Variants in ZNF385D observed in about 807,000 individuals in gnomAD.
ZNF385D encodes zinc finger protein 659.
Under a neutral mutation model 35.8 loss-of-function variants are expected in ZNF385D, and 15 were observed. The ratio of observed to expected loss-of-function variants is 0.42; its 90% CI spans 0.28 to 0.64. ZNF385D has a LOEUF of 0.64. Ranked by LOEUF, ZNF385D falls within the 30% of genes least tolerant of loss-of-function variation. ZNF385D has a pLI of 0.23. For synonymous variants in ZNF385D, 212 were observed against 186.8 expected, an observed-to-expected ratio of 1.13 and a Z score of -1.10; for missense variants, 474 against 494.6, an observed-to-expected ratio of 0.96 and a Z score of 0.39.
intron 3 of ZNF385D, among the ~76,000 whole-genome samples, chr3:21,762,009 G>C (rs1359378668): frequency 6.7e-6 from 1 of 149,932 alleles, no homozygotes; most frequent in Non-Finnish European, 1.5e-5. Context: ...CTCCCGAGTA[G>C]CCGAGATTAC....
At chr3:22,221,652 TAA>T (rs1295983377) in intron 2 of ZNF385D, among the ~76,000 whole-genome samples, 2 of 152,136 alleles carry the variant, frequency 1.3e-5, no homozygotes, top group Non-Finnish European at 2.9e-5. Context: ...ATCCTTTTAA[TAA>T]AAAAGACAAC....
chr3:21,577,605 G>A (rs1355765780), intron 2 of ZNF385D, among the ~76,000 whole-genome samples: 1 of 152,086 alleles, frequency 6.6e-6, no homozygotes, highest in Admixed American at 6.6e-5. Context: ...CATAACGGCT[G>A]TACTAATTTA....
chr3:21,739,304 G>C (rs1444944239), intron 1 of ZNF385D, among the ~76,000 whole-genome samples: 1 of 152,200 alleles, frequency 6.6e-6, no homozygotes, highest in East Asian at 1.9e-4. Flanking sequence ...GGAAGTGCAT[G>C]AGTTAAACAT....
intron 3 of ZNF385D, among the ~76,000 whole-genome samples, chr3:21,757,233 G>C (rs899915171): frequency 2.0e-5 from 3 of 149,994 alleles, no homozygotes; most frequent in Non-Finnish European, 4.4e-5. Flanking sequence ...CTGGGTTCAA[G>C]CGATTCTCGT....
chr3:22,032,752 C>A (rs900174563), intron 3 of ZNF385D, among the ~76,000 whole-genome samples: 3 of 152,116 alleles, frequency 2.0e-5, no homozygotes, highest in Admixed American at 2.0e-4. Context: ...GAAAAACAAT[C>A]ACGATTAATA....
intron 3 of ZNF385D, among the ~76,000 whole-genome samples, chr3:21,803,469 A>G (rs968320554): frequency 1.9e-4 from 29 of 152,202 alleles, no homozygotes; most frequent in Admixed American, 1.9e-3. Flanking sequence ...AACTAATATG[A>G]TTGTATAACT....
chr3:21,577,524 G>A (rs758185192), intron 2 of ZNF385D, among the ~76,000 whole-genome samples: 1 of 152,126 alleles, frequency 6.6e-6, no homozygotes, highest in Admixed American at 6.6e-5. Flanking sequence ...GATATATACC[G>A]AGTAGTGGAA....
intron 3 of ZNF385D, among the ~76,000 whole-genome samples, chr3:21,884,723 G>A (rs1320467649): frequency 6.6e-6 from 1 of 151,988 alleles, no homozygotes; most frequent in Non-Finnish European, 1.5e-5. Flanking sequence ...ATATAATTGT[G>A]TGCTAACGCA....
At chr3:22,032,736 T>C (rs1698077527) in intron 3 of ZNF385D, among the ~76,000 whole-genome samples, 1 of 152,076 alleles carries the variant, frequency 6.6e-6, no homozygotes, top group Admixed American at 6.5e-5. Context: ...ACTTATGGGG[T>C]CGGCTGAAAA....
chr3:21,816,593 A>T (rs918832694), intron 3 of ZNF385D, among the ~76,000 whole-genome samples: 1 of 152,208 alleles, frequency 6.6e-6, no homozygotes, highest in Admixed American at 6.5e-5. Context: ...AATTGCTTCA[A>T]GGAGAATAAG....
chr3:21,844,938 C>T (rs1461375948), intron 3 of ZNF385D, among the ~76,000 whole-genome samples: 2 of 151,808 alleles, frequency 1.3e-5, no homozygotes, highest in African/African-American at 2.4e-5. Flanking sequence ...GTTTCACTTA[C>T]AGAGCTATTG....
chr3:21,996,246 T>C (rs1465780799), intron 3 of ZNF385D, among the ~76,000 whole-genome samples: 2 of 152,282 alleles, frequency 1.3e-5, no homozygotes, highest in African/African-American at 4.8e-5. Context: ...ATCAAGGGAC[T>C]CTTCCATGGT....
chr3:21,765,365 T>G (rs2070782588), intron 3 of ZNF385D, among the ~76,000 whole-genome samples: 2 of 152,062 alleles, frequency 1.3e-5, no homozygotes, highest in African/African-American at 2.4e-5. Flanking sequence ...GCCATTCTCC[T>G]CTCTGGGGAA....
intron 2 of ZNF385D, among the ~76,000 whole-genome samples, chr3:22,237,297 G>A (rs1699241013): frequency 6.6e-6 from 1 of 151,954 alleles, no homozygotes; most frequent in Non-Finnish European, 1.5e-5. Flanking sequence ...ATCTTTTCAT[G>A]TGCCTACTGG....
intron 2 of ZNF385D, among the ~76,000 whole-genome samples, chr3:22,243,412 T>C (rs1484216350): frequency 6.6e-6 from 1 of 150,726 alleles, no homozygotes; most frequent in Non-Finnish European, 1.5e-5. Context: ...GGGGAAACAG[T>C]GAGTTGACAA....
At position 22,083,916 on chromosome 3, in the gene ZNF385D, G is replaced by A. The variant is rs567928461; in HGVS notation, c.325+84901C>T. On this transcript the variant is annotated intron_variant, in intron 3 of 5. Transcript: ENST00000494108. Reference sequence around the variant, plus strand: ...AAACTCTACAAGCCAGAAGAGAGTGGGGGCCAATATTCAACATTCTTAAAG... The same window carrying A: ...AAACTCTACAAGCCAGAAGAGAGTGAGGGCCAATATTCAACATTCTTAAAG... Among the ~76,000 whole-genome samples, 25 of 152,294 alleles carry A rather than the reference G, an allele frequency of 1.6e-4. No homozygotes were observed. In the South Asian group the frequency reaches 5.2e-3, roughly 32 times the overall value.
intron 3 of ZNF385D, among the ~76,000 whole-genome samples, chr3:22,117,926 C>T (rs1227467781): frequency 6.6e-6 from 1 of 151,982 alleles, no homozygotes; most frequent in African/African-American, 2.4e-5. Flanking sequence ...AACATCTGAA[C>T]ATGGTACTCT....
intron 1 of ZNF385D, among the ~76,000 whole-genome samples, chr3:21,668,784 T>C (rs1297819614): frequency 6.6e-6 from 1 of 152,238 alleles, no homozygotes; most frequent in East Asian, 1.9e-4. Flanking sequence ...ATGTTTCATC[T>C]GTAAAGCAAA....
chr3:22,068,442 C>G (rs1025255636), intron 3 of ZNF385D, among the ~76,000 whole-genome samples: 3 of 152,048 alleles, frequency 2.0e-5, no homozygotes, highest in African/African-American at 7.2e-5. Context: ...GTCTCTTTTT[C>G]CTTTTCTTTT....
Sources: allele counts gnomAD v4.1 joint callset (sites outside exome capture counted in the v4.1 genomes callset), GRCh38; gene constraint gnomAD v4.1.1; transcripts MANE v1.5; gene names NCBI Gene and HGNC (gene_info 2026-07-23, HGNC 2026-07-21).